Variants in TMEM200C observed in about 807,000 individuals in gnomAD.
TMEM200C encodes the protein transmembrane protein 200C.
For missense variants in TMEM200C, 966 were observed against 699.9 expected (o/e 1.38, Z -4.29); for synonymous variants, 462 against 324.7 (o/e 1.42, Z -4.55).
chr18:5,890,121 A>G, exon 3 of TMEM200C: 2 of 1,341,422 alleles, frequency 1.5e-6, no homozygotes, highest in East Asian at 2.5e-5. Context: ...CAAAAGAAAC[A>G]GGGACCTGTT....
rs1440780387 is a variant in TMEM200C at position 5,891,518 on chromosome 18, G to A, written c.546C>T (p.Cys182=). Residue 182 remains cysteine, a synonymous_variant, in exon 3 of 3, where the codon TGC becomes TGT. Coordinates refer to ENST00000581347, the Ensembl canonical transcript of TMEM200C. The surrounding 1 kb of genome is among the most constrained non-coding windows in gnomAD (Gnocchi z 4.7). ...GGTTCTCGTGGAGGACCGCGTTTGC[G>A]CAGATGAAGAGGAAGATGCCGATGC... 6.2e-7 allele frequency: 1 copy of A among 1,612,130 alleles called. No individual in the cohort carries two copies. The highest frequency in any genetic ancestry group is 1.7e-5 in the Admixed American group (1 of 59,766).
chr18:5,891,645 G>A lies in TMEM200C; in HGVS notation c.419C>T (p.Ala140Val). The A allele has an allele frequency of 6.2e-7, 1 of 1,613,832 alleles. No individual in the cohort carries two copies. The highest frequency in any genetic ancestry group is 8.5e-7 in the Non-Finnish European group (1 of 1,179,856). Residue 140 changes from alanine to valine, a missense_variant, in exon 3 of 3, where the codon GCC becomes GTC. Ala to Val is a moderately conservative substitution (Grantham distance 64). Transcript: ENST00000581347. The surrounding 1 kb of genome is among the most constrained non-coding windows in gnomAD (Gnocchi z 4.7). ...GGACGTGGAGGAGGAGGACGGGGAG[G>A]CGGCTCGTGCTGGAGGCGTGCTCCT...
At chr18:5,885,098 A>C (rs753866606) in exon 3 of TMEM200C, 1 of 152,222 alleles carries the variant, frequency 6.6e-6, no homozygotes, top group Non-Finnish European at 1.5e-5. Flanking sequence ...GACACTTTAC[A>C]TACAAAATGA....
exon 3 of TMEM200C, chr18:5,890,563 C>G: frequency 7.1e-7 from 1 of 1,403,926 alleles, no homozygotes; most frequent in Non-Finnish European, 9.3e-7. Context: ...GCGGCCTTGG[C>G]CAGAGGGCTG....
exon 3 of TMEM200C, chr18:5,888,477 G>T (rs1231971645): frequency 6.6e-6 from 1 of 152,150 alleles, no homozygotes; most frequent in Non-Finnish European, 1.5e-5. Context: ...TTACATCCAG[G>T]ACAAGAGCCT....
At chr18:5,892,322 C>T (rs2095172140) in intron 2 of TMEM200C, among the ~76,000 whole-genome samples, 165 bp from the exon 2 acceptor site, 1 of 152,188 alleles carries the variant, frequency 6.6e-6, no homozygotes, top group Non-Finnish European at 1.5e-5. Context: ...GCCAGGTAGA[C>T]ACTAGGGAAG....
chr18:5,892,112 A>AG, exon 3 of TMEM200C: 2 of 1,542,224 alleles, frequency 1.3e-6, no homozygotes, highest in Non-Finnish European at 1.8e-6. Flanking sequence ...AGGCTTGCAC[A>AG]GGGAGGGCGC....
exon 3 of TMEM200C, chr18:5,888,841 G>T (rs1005144069): frequency 6.6e-6 from 1 of 152,154 alleles, no homozygotes; most frequent in African/African-American, 2.4e-5. Context: ...TTTACAGAAA[G>T]ATGACTGAGA....
chr18:5,893,085 A>G (rs2095172793), intron 2 of TMEM200C, among the ~76,000 whole-genome samples: 1 of 152,206 alleles, frequency 6.6e-6, no homozygotes. Context: ...GGAATCTCCA[A>G]GAGAAAGATC....
chr18:5,891,394 C>T lies in TMEM200C; in HGVS notation c.670G>A (p.Ala224Thr), dbSNP rs1294226790. ...GAAGAGGCGGCGGCGGCCGCGGCGG[C>T]GGCCGCGGCGGCCGCCAGGTCTTTG... The change falls in exon 3 of 3, where the codon GCC becomes ACC. Residue 224 changes from alanine (A) to threonine (T), a missense_variant. Coordinates refer to ENST00000581347, the Ensembl canonical transcript of TMEM200C. This position sits in a 1 kb window ranked among gnomAD's most constrained non-coding sequence, Gnocchi z 4.7. 3 of 1,321,958 alleles carry T rather than the reference C, an allele frequency of 2.3e-6. No homozygotes were observed. Among genetic ancestry groups the T allele is most frequent in the Non-Finnish European group, 2.9e-6 (3 of 1,038,308 alleles). The allele number at this position is 1,321,958 out of a possible 1,614,324, so 81.9% of individuals were successfully genotyped here. A position where few individuals can be genotyped will look rare whatever the true frequency, so the allele number is the denominator to read the frequency against.
exon 3 of TMEM200C, chr18:5,890,517 G>T: frequency 6.6e-7 from 1 of 1,514,218 alleles, no homozygotes; most frequent in Non-Finnish European, 8.8e-7. Flanking sequence ...CCTGGTGGGG[G>T]GCGAGCCCTC....
At chr18:5,884,907 T>C (rs1482668188) in exon 3 of TMEM200C, 1 of 152,176 alleles carries the variant, frequency 6.6e-6, no homozygotes, top group East Asian at 1.9e-4. Flanking sequence ...TGCCCATAAA[T>C]TTATTTTCAA....
At chr18:5,894,226 G>C (rs773105564) in intron 2 of TMEM200C, among the ~76,000 whole-genome samples, 5 of 152,188 alleles carry the variant, frequency 3.3e-5, no homozygotes, top group African/African-American at 9.6e-5. Flanking sequence ...CAGCAAGGCA[G>C]CTTTGGCTCC....
At chr18:5,889,612 G>A (rs889281653) in exon 3 of TMEM200C, 1 of 152,146 alleles carries the variant, frequency 6.6e-6, no homozygotes, top group Admixed American at 6.5e-5. Flanking sequence ...GTTTAAAAAT[G>A]AAGAAGCTTT....
Position 5,890,751 on chromosome 18 carries a change from TC to T in TMEM200C, c.1312del (p.Glu438SerfsTer9). 1.7e-6 allele frequency: 1 copy of T among 597,638 alleles called. No homozygotes were observed. The highest frequency in any genetic ancestry group is 3.0e-6 in the Non-Finnish European group (1 of 333,076). The allele number at this position is 597,638 out of a possible 1,614,324, so 37.0% of individuals were successfully genotyped here. ...TACCGCGCCCTCGGGCTCCTCCGGCTCCCGGCGCGCCCCGCGCATGCTGCCC... is the reference window on the plus strand; with the variant it reads ...TACCGCGCCCTCGGGCTCCTCCGGCTCCGGCGCGCCCCGCGCATGCTGCCC... On this transcript the variant is annotated frameshift_variant, in exon 3 of 3. Coordinates refer to ENST00000581347, the Ensembl canonical transcript of TMEM200C. LOFTEE classifies it low-confidence loss of function (END_TRUNC).
At chr18:5,890,163 T>C (rs1382047726) in exon 3 of TMEM200C, 3 of 1,488,684 alleles carry the variant, frequency 2.0e-6, no homozygotes, top group Non-Finnish European at 2.7e-6. Flanking sequence ...GTTTCTCCCA[T>C]TTTCTCTTTC....
chr18:5,892,402 C>T (rs2095172220), intron 2 of TMEM200C, among the ~76,000 whole-genome samples: 7 of 152,166 alleles, frequency 4.6e-5, no homozygotes, highest in Admixed American at 4.6e-4. Context: ...GTGATAAAAC[C>T]ATCTGAGAAT....
chr18:5,882,291 T>A (rs2095162352), exon 3 of TMEM200C: 1 of 152,152 alleles, frequency 6.6e-6, no homozygotes, highest in Admixed American at 6.5e-5. Flanking sequence ...TGATTCATAC[T>A]TACAGGCTAG....
intron 2 of TMEM200C, among the ~76,000 whole-genome samples, chr18:5,894,685 C>T (rs2095174234): frequency 6.6e-6 from 1 of 152,342 alleles, no homozygotes; most frequent in East Asian, 1.9e-4. Flanking sequence ...GTGCCCGGTA[C>T]CCAACCCAGG....
Sources: gnomAD v4.1 joint callset for allele counts (sites outside exome capture counted in the v4.1 genomes callset) on GRCh38, gnomAD v4.1.1 for gene constraint, Gnocchi (gnomAD v3.1) non-coding constraint, MANE v1.5 for transcripts, NCBI Gene and HGNC (gene_info 2026-07-23, HGNC 2026-07-21) for gene names.